Variants in EDIL3 observed in about 807,000 individuals in gnomAD.
The protein encoded by EDIL3 is EGF-like repeat and discoidin I-like domain-containing protein 3.
In EDIL3, 37 loss-of-function variants were observed where a neutral mutation model predicts 67.4. That is an observed-to-expected ratio of 0.55 (90% confidence interval 0.42 to 0.72). The LOEUF (loss-of-function observed/expected upper bound fraction) is 0.72. Among genes scored for constraint, EDIL3 ranks in the 30% least tolerant of loss-of-function variants. The pLI is 0.00. For synonymous variants in EDIL3, 195 were observed against 196.3 expected, an observed-to-expected ratio of 0.99 and a Z score of 0.05; for missense variants, 527 against 586.3, an observed-to-expected ratio of 0.90 and a Z score of 1.04.
intron 2 of EDIL3, among the ~76,000 whole-genome samples, chr5:84,252,067 G>C (rs1243448726): frequency 2.0e-5 from 3 of 152,138 alleles, no homozygotes; most frequent in Admixed American, 2.0e-4. Flanking sequence ...AAGTCACACT[G>C]AACTAGGTGG....
chr5:84,051,223 C>G lies in EDIL3; in HGVS notation c.1137+9077G>C, dbSNP rs777643168. ...AACAGGGTCTGGAGCAGACCTCCAG[C>G]AAACTCCAACAGACCTGCAGCTGAG... On this transcript the variant is annotated intron_variant, in intron 9 of 10. Transcript: ENST00000296591. Among the ~76,000 whole-genome samples the G allele has an allele frequency of 2.0e-5, 3 of 152,214 alleles. No individual in the cohort carries two copies. The South Asian group carries it at 6.2e-4, about 32-fold the overall frequency.
intron 9 of EDIL3, among the ~76,000 whole-genome samples, chr5:84,039,865 A>G (rs1219035356): frequency 6.6e-6 from 1 of 152,114 alleles, no homozygotes; most frequent in African/African-American, 2.4e-5. Flanking sequence ...TAATAAATTT[A>G]AATTTAACTA....
chr5:84,001,656 A>T (rs1366798849), intron 9 of EDIL3, among the ~76,000 whole-genome samples: 26 of 152,182 alleles, frequency 1.7e-4, no homozygotes, highest in Non-Finnish European at 3.8e-4. Flanking sequence ...GAGACCATTA[A>T]TATCAACTAT....
rs748047759 is a variant in EDIL3 at position 84,254,199 on chromosome 5, A to ATAT, written c.80_81insATA (p.Asp27delinsGluTyr). ...TACCTCCATTTTCACATGGATTGGG[A>ATAT]TCACAAATATCACCTAAGGCATAAA... On this transcript the variant is annotated protein_altering_variant, in exon 2 of 11. Coordinates refer to ENST00000296591, the MANE Select transcript of EDIL3 (RefSeq NM_005711.5). 1.2e-6 allele frequency: 2 copies of ATAT among 1,611,262 alleles called. No individual in the cohort carries two copies. Among genetic ancestry groups the ATAT allele is most frequent in the Admixed American group, 1.7e-5 (1 of 59,652 alleles).
intron 1 of EDIL3, among the ~76,000 whole-genome samples, chr5:84,365,817 C>T (rs928454309): frequency 3.3e-5 from 5 of 151,994 alleles, no homozygotes; most frequent in Non-Finnish European, 7.4e-5. Context: ...AATAATAATA[C>T]CAGATGTTTA....
intron 1 of EDIL3, among the ~76,000 whole-genome samples, chr5:84,321,369 G>T (rs1183554022): frequency 3.3e-5 from 5 of 152,038 alleles, no homozygotes; most frequent in Non-Finnish European, 7.4e-5. Flanking sequence ...TTCAATTGTT[G>T]CCATTAAAAC....
intron 1 of EDIL3, among the ~76,000 whole-genome samples, chr5:84,276,054 TAC>T (rs958187271): frequency 3.3e-5 from 5 of 152,288 alleles, no homozygotes; most frequent in East Asian, 1.9e-4. Context: ...GGATCTCTCT[TAC>T]AGTCCTGAGT....
chr5:84,253,696 T>C (rs1262851550), intron 2 of EDIL3, among the ~76,000 whole-genome samples: 3 of 152,066 alleles, frequency 2.0e-5, no homozygotes, highest in African/African-American at 4.8e-5. Context: ...TGCTGATGGA[T>C]ATTCGAAGTC....
chr5:83,959,192 G>GGT (rs1450587180), intron 10 of EDIL3, among the ~76,000 whole-genome samples: 2 of 145,176 alleles, frequency 1.4e-5, no homozygotes, highest in Non-Finnish European at 3.0e-5. Context: ...TGTGTGTGTG[G>GGT]GTGTGTATAT....
chr5:84,052,635 C>G (rs1033851715), intron 9 of EDIL3, among the ~76,000 whole-genome samples: 9 of 151,552 alleles, frequency 5.9e-5, no homozygotes, highest in Admixed American at 1.3e-4. Flanking sequence ...AAATGGAAAA[C>G]AAAAAAAGGC....
chr5:84,341,592 G>C (rs1747116856), intron 1 of EDIL3, among the ~76,000 whole-genome samples: 1 of 152,008 alleles, frequency 6.6e-6, no homozygotes, highest in Non-Finnish European at 1.5e-5. Flanking sequence ...TTATTTCATA[G>C]GTCAGGATTT....
chr5:84,205,051 T>G (rs1743935188), intron 3 of EDIL3, among the ~76,000 whole-genome samples: 1 of 150,776 alleles, frequency 6.6e-6, no homozygotes, highest in African/African-American at 2.4e-5. Context: ...TAGCTGGGAC[T>G]ACAGGCACAT....
intron 9 of EDIL3, among the ~76,000 whole-genome samples, chr5:84,043,488 A>AT (rs1312425521): frequency 6.6e-6 from 1 of 152,220 alleles, no homozygotes; most frequent in African/African-American, 2.4e-5. Flanking sequence ...GCGGATACAC[A>AT]TATGTTGTAT....
At chr5:84,247,696 T>A (rs1744935618) in intron 2 of EDIL3, among the ~76,000 whole-genome samples, 1 of 152,032 alleles carries the variant, frequency 6.6e-6, no homozygotes, top group South Asian at 2.1e-4. Context: ...TGGAATATGA[T>A]AGGTAAAAGA....
chr5:84,163,145 A>C (rs1043916295), intron 4 of EDIL3, among the ~76,000 whole-genome samples: 4 of 152,116 alleles, frequency 2.6e-5, no homozygotes, highest in Non-Finnish European at 5.9e-5. Flanking sequence ...GAGTGACTCT[A>C]CTTTTAGATG....
intron 1 of EDIL3, among the ~76,000 whole-genome samples, chr5:84,317,382 A>G (rs551536594): frequency 5.9e-4 from 90 of 152,268 alleles, no homozygotes; most frequent in Middle Eastern, 3.4e-3. Flanking sequence ...ATAAAGAAGG[A>G]AAGAGAGAAG....
chr5:84,018,269 C>T (rs972810455), intron 9 of EDIL3, among the ~76,000 whole-genome samples: 2 of 152,150 alleles, frequency 1.3e-5, no homozygotes, highest in African/African-American at 4.8e-5. Flanking sequence ...TACTTCTCTG[C>T]AACTTTTGTC....
At chr5:84,208,993 A>C (rs1349714923) in intron 3 of EDIL3, among the ~76,000 whole-genome samples, 4 of 152,218 alleles carry the variant, frequency 2.6e-5, no homozygotes, top group Non-Finnish European at 4.4e-5. Flanking sequence ...CAACAATGAT[A>C]GACTGGATTA....
chr5:83,984,556 C>G (rs939121116), intron 9 of EDIL3, among the ~76,000 whole-genome samples: 10 of 152,068 alleles, frequency 6.6e-5, no homozygotes, highest in African/African-American at 2.4e-4. Context: ...AGAGAAACAG[C>G]AGTTCTAATA....
Sources: gnomAD v4.1 joint callset for allele counts (sites outside exome capture counted in the v4.1 genomes callset) on GRCh38, gnomAD v4.1.1 for gene constraint, MANE v1.5 for transcripts, NCBI Gene and HGNC (gene_info 2026-07-23, HGNC 2026-07-21) for gene names.